Variants in FHL2 observed in about 807,000 individuals in gnomAD.
FHL2 encodes four and a half LIM domains protein 2.
FHL2 carries 20 observed loss-of-function variants against 32.7 expected under a neutral mutation model. The observed-to-expected ratio is 0.61, with a 90% CI of 0.43 to 0.89. FHL2 has a LOEUF of 0.89. Ranked by LOEUF, FHL2 falls within the 40% of genes least tolerant of loss-of-function variation. The pLI is 0.00. For missense variants in FHL2, 311 were observed against 358.6 expected (o/e 0.87, Z 1.07); for synonymous variants, 123 against 128.1 (o/e 0.96, Z 0.27).
intron 1 of FHL2, among the ~76,000 whole-genome samples, chr2:105,417,310 A>T (rs1426989796): frequency 6.6e-6 from 1 of 151,592 alleles, no homozygotes; most frequent in Admixed American, 6.6e-5. Context: ...TGAACCCAGG[A>T]GGCAGAGGTT....
chr2:105,357,942 C>T (rs1261553309), downstream of FHL2: 1 of 152,176 alleles, frequency 6.6e-6, no homozygotes, highest in Admixed American at 6.5e-5. Context: ...TCTGTGTATG[C>T]CTTAGAGAAT....
chr2:105,386,109 T>C (rs575693814), intron 3 of FHL2: 1 of 456,750 alleles, frequency 2.2e-6, no homozygotes, highest in African/African-American at 2.0e-5. Flanking sequence ...CACTAATTGC[T>C]AGAATACAGA....
In FHL2 at chr2:105,374,730, G is replaced by A. The variant is rs1192394731; in HGVS notation, c.157-997C>T. ...TATTTGCCTTTTAAAAATGACATACGGCATTTTTAAAGTGCCAACACAAAA... is the reference window on the plus strand; with the variant it reads ...TATTTGCCTTTTAAAAATGACATACAGCATTTTTAAAGTGCCAACACAAAA... On this transcript the variant is annotated intron_variant, in intron 3 of 6. Transcript: ENST00000530340. 7.9e-5 allele frequency among the ~76,000 whole-genome samples: 12 copies of A among 152,180 alleles called. 1 individual carries two copies. In the Middle Eastern group the frequency reaches 0.014, roughly 173 times the overall value.
intron 1 of FHL2, among the ~76,000 whole-genome samples, chr2:105,405,533 T>C (rs1683601817): frequency 6.6e-6 from 1 of 152,200 alleles, no homozygotes; most frequent in Admixed American, 6.5e-5. Flanking sequence ...TGCCATGGCC[T>C]CCCAAAGTGC....
At chr2:105,436,369 T>C (rs947111675) in intron 1 of FHL2, among the ~76,000 whole-genome samples, 4 of 152,184 alleles carry the variant, frequency 2.6e-5, no homozygotes, top group African/African-American at 7.2e-5. Flanking sequence ...AAATGTCTTA[T>C]CTAAATCTTT....
intron 1 of FHL2, among the ~76,000 whole-genome samples, chr2:105,418,564 T>G (rs1338294762): frequency 6.6e-6 from 1 of 152,250 alleles, no homozygotes; most frequent in Non-Finnish European, 1.5e-5. Context: ...GTGAGCAGTT[T>G]CCGTTCTGCA....
At chr2:105,398,050 A>T (rs1266220413) in intron 1 of FHL2, among the ~76,000 whole-genome samples, 1 of 151,984 alleles carries the variant, frequency 6.6e-6, no homozygotes, top group Non-Finnish European at 1.5e-5. Context: ...ATTGTGATTT[A>T]TTACCTTCCA....
intron 3 of FHL2, among the ~76,000 whole-genome samples, chr2:105,384,697 AG>A (rs1315095975): frequency 1.3e-5 from 2 of 152,174 alleles, no homozygotes; most frequent in Admixed American, 6.5e-5. Flanking sequence ...CAGTAGACAC[AG>A]GGTTTCGCCA....
At chr2:105,372,233 CTT>C (rs10706417) in intron 4 of FHL2, among the ~76,000 whole-genome samples, 1 of 150,986 alleles carries the variant, frequency 6.6e-6, no homozygotes, top group Non-Finnish European at 1.5e-5. Flanking sequence ...ACATAACTTT[CTT>C]TTTTTTTTGA....
intron 1 of FHL2, 62 bp downstream of exon 1, chr2:105,398,780 G>A (rs888531694): frequency 2.4e-6 from 3 of 1,236,756 alleles, no homozygotes; most frequent in Admixed American, 3.3e-5. Flanking sequence ...GCTTCTCCCC[G>A]CACGGTTCGG....
chr2:105,364,933 C>A (rs1233172305), intron 5 of FHL2, among the ~76,000 whole-genome samples: 1 of 152,146 alleles, frequency 6.6e-6, no homozygotes, highest in Non-Finnish European at 1.5e-5. Context: ...AATCATGAAG[C>A]ATCTTAGTAT....
intron 1 of FHL2, among the ~76,000 whole-genome samples, chr2:105,434,029 T>G (rs1235742860): frequency 6.6e-6 from 1 of 152,094 alleles, no homozygotes; most frequent in Non-Finnish European, 1.5e-5. Context: ...TCACTTTCCA[T>G]CTCCATATTG....
chr2:105,368,114 A>G (rs372890856), intron 4 of FHL2, among the ~76,000 whole-genome samples: 1 of 152,194 alleles, frequency 6.6e-6, no homozygotes, highest in South Asian at 2.1e-4. Flanking sequence ...TTTGGAGTCT[A>G]GGGACTGTAT....
chr2:105,407,564 T>TAA (rs1451551356), intron 1 of FHL2, among the ~76,000 whole-genome samples: 2 of 151,910 alleles, frequency 1.3e-5, no homozygotes, highest in East Asian at 3.9e-4. Flanking sequence ...TAACTTGAAT[T>TAA]AAAGCAAAGC....
At chr2:105,405,791 C>CCCCA (rs1370809520) in intron 1 of FHL2, among the ~76,000 whole-genome samples, 1 of 152,226 alleles carries the variant, frequency 6.6e-6, no homozygotes, top group African/African-American at 2.4e-5. Context: ...AGGGGGTGAA[C>CCCCA]CCCAGGTCCA....
chr2:105,426,560 A>C lies in FHL2; in HGVS notation c.-25+11839T>G, dbSNP rs144434459. On this transcript the variant is annotated intron_variant, in intron 1 of 5. Transcript: ENST00000393352. ...CCCTTCCCTGAGCCAGCAGTCCTGG[A>C]AGGCAGCCTTTGATGTGAGGGCTCC... is the stretch of plus-strand genomic sequence containing the variant. Among the ~76,000 whole-genome samples the C allele has an allele frequency of 1.0e-3, 159 of 152,222 alleles. 1 individual carries two copies. Among genetic ancestry groups the C allele is most frequent in the African/African-American group, 3.7e-3 (155 of 41,534 alleles).
intron 3 of FHL2, among the ~76,000 whole-genome samples, chr2:105,379,486 T>C (rs1681724939): frequency 6.6e-6 from 1 of 152,260 alleles, no homozygotes; most frequent in Non-Finnish European, 1.5e-5. Context: ...TAATTCTTCA[T>C]ACCTATTTTG....
At chr2:105,365,244 A>T (rs1268851004) in intron 5 of FHL2, among the ~76,000 whole-genome samples, 1 of 152,134 alleles carries the variant, frequency 6.6e-6, no homozygotes, top group Non-Finnish European at 1.5e-5. Flanking sequence ...CTCAGTAACT[A>T]CTGACGGGTT....
At chr2:105,375,163 G>GCA (rs1681379951) in intron 3 of FHL2, 6 of 152,198 alleles carry the variant, frequency 3.9e-5, no homozygotes, top group African/African-American at 1.4e-4. Context: ...GTGTGTGCGC[G>GCA]TGCGTGTGCA....
Sources: gnomAD v4.1 joint callset for allele counts (sites outside exome capture counted in the v4.1 genomes callset) on GRCh38, gnomAD v4.1.1 for gene constraint, MANE v1.5 for transcripts, NCBI Gene and HGNC (gene_info 2026-07-23, HGNC 2026-07-21) for gene names.